The following DZANK1 variants were observed in gnomAD, a reference collection of about 807,000 sequenced individuals.
The protein encoded by DZANK1 is double zinc ribbon and ankyrin repeat domains 1, also known as double zinc ribbon and ankyrin repeat-containing protein 1.
A neutral mutation model predicts 94.5 loss-of-function variants in DZANK1; 91 were observed. The ratio of observed to expected loss-of-function variants is 0.96; its 90% CI spans 0.81 to 1.15. The LOEUF is 1.15. DZANK1 is among the 50% of genes most tolerant of loss of function. The pLI, the probability that DZANK1 is intolerant of heterozygous loss-of-function variation, is 0.00. For synonymous variants in DZANK1, 312 were observed against 325.3 expected (o/e 0.96, Z 0.44); for missense variants, 903 against 916.4 (o/e 0.99, Z 0.19).
At chr20:18,384,421 C>T (rs1455537586) in exon 21 of DZANK1, 2 of 1,611,420 alleles carry the variant, frequency 1.2e-6, no homozygotes, top group African/African-American at 1.3e-5. Context: ...CAGGCTGAGG[C>T]TCCTAGTTTG....
chr20:18,397,374 C>G (rs758984822), intron 14 of DZANK1, among the ~76,000 whole-genome samples: 19 of 152,176 alleles, frequency 1.2e-4, no homozygotes, highest in Non-Finnish European at 2.4e-4. Context: ...AGGAAAGGTC[C>G]TCTCACAGAG....
At chr20:18,456,598 A>G (rs558955646) in intron 3 of DZANK1, among the ~76,000 whole-genome samples, 2 of 152,326 alleles carry the variant, frequency 1.3e-5, no homozygotes, top group African/African-American at 4.8e-5. Flanking sequence ...CTCCTAGGCA[A>G]CCACTGATCT....
At chr20:18,425,550 C>CAAA (rs1375707023) in intron 10 of DZANK1, among the ~76,000 whole-genome samples, 1 of 105,278 alleles carries the variant, frequency 9.5e-6, no homozygotes. Flanking sequence ...GACTCCATCT[C>CAAA]AAAAAAAAAA....
At chr20:18,452,476 C>A in intron 6 of DZANK1, 139 bp downstream of exon 6, 1 of 1,001,896 alleles carries the variant, frequency 1.0e-6, no homozygotes, top group Non-Finnish European at 1.4e-6. Flanking sequence ...CTTTTCTTGT[C>A]CAGTACAGTA....
chr20:18,427,084 G>A (rs1310697991), exon 10 of DZANK1: 1 of 1,611,212 alleles, frequency 6.2e-7, no homozygotes. Context: ...GATGAAGGCA[G>A]GGCCCCCTCA....
intron 1 of DZANK1, 116 bp from the exon 2 acceptor site, chr20:18,465,493 A>G (rs1378674824): frequency 1.1e-5 from 4 of 380,348 alleles, no homozygotes; most frequent in African/African-American, 2.1e-5. Flanking sequence ...GGCACTACAA[A>G]TATTATTCCC....
At chr20:18,422,967 A>G (rs1258652831) in intron 10 of DZANK1, among the ~76,000 whole-genome samples, 2 of 152,080 alleles carry the variant, frequency 1.3e-5, no homozygotes, top group African/African-American at 2.4e-5. Context: ...TTTTAACAAT[A>G]TTAATTCCTC....
intron 6 of DZANK1, among the ~76,000 whole-genome samples, chr20:18,451,377 C>T (rs1392167489): frequency 6.6e-6 from 1 of 152,190 alleles, no homozygotes; most frequent in South Asian, 2.1e-4. Flanking sequence ...GAAATTCTTT[C>T]ATCTCTTGGT....
chr20:18,427,384 G>A (rs773537963), intron 9 of DZANK1, among the ~76,000 whole-genome samples: 20 of 151,468 alleles, frequency 1.3e-4, no homozygotes, highest in Non-Finnish European at 2.7e-4. Flanking sequence ...GATGGGATCC[G>A]ACTGTGTTGC....
intron 13 of DZANK1, among the ~76,000 whole-genome samples, chr20:18,398,951 G>A (rs2056515133): frequency 6.6e-6 from 1 of 151,964 alleles, no homozygotes; most frequent in South Asian, 2.1e-4. Context: ...GGCCAACATG[G>A]TGAAACCCTG....
intron 3 of DZANK1, among the ~76,000 whole-genome samples, chr20:18,455,869 C>T (rs1466627172): frequency 2.0e-5 from 3 of 152,194 alleles, no homozygotes; most frequent in African/African-American, 7.2e-5. Flanking sequence ...GGTAGTCAGA[C>T]TTCCTCCATA....
chr20:18,405,414 AAG>A (rs796829038), intron 13 of DZANK1, among the ~76,000 whole-genome samples: 6 of 152,292 alleles, frequency 3.9e-5, no homozygotes, highest in African/African-American at 1.4e-4. Context: ...ACGTAAAAAA[AAG>A]AGAGAAAAAG....
intron 4 of DZANK1, 46 bp from the exon 5 acceptor site, chr20:18,453,873 T>G: frequency 8.6e-7 from 1 of 1,166,632 alleles, no homozygotes; most frequent in Non-Finnish European, 1.3e-6. Context: ...TATTCCCATG[T>G]GAGAATTAAA....
chr20:18,453,783 A>C lies in DZANK1; in HGVS notation c.423T>G (p.Tyr141Ter). Reference sequence around the variant, plus strand: ...AGCTGCGTTGATTTTCAGAGTTCTTATATTTTTTCTTTAGTTTTGATCCAA... The same window carrying C: ...AGCTGCGTTGATTTTCAGAGTTCTTCTATTTTTTCTTTAGTTTTGATCCAA... Residue 141 changes from tyrosine to a stop codon, truncating the protein, a stop_gained, in exon 5 of 21, where the codon TAT becomes TAG. Coordinates refer to ENST00000262547, the Ensembl canonical transcript of DZANK1. LOFTEE classifies it high-confidence loss of function. The C allele has an allele frequency of 6.2e-7, 1 of 1,612,914 alleles. No homozygotes were observed. The highest frequency in any genetic ancestry group is 8.5e-7 in the Non-Finnish European group (1 of 1,178,988).
chr20:18,385,205 G>A, intron 19 of DZANK1, 115 bp from the exon 20 acceptor site: 1 of 914,900 alleles, frequency 1.1e-6, no homozygotes, highest in Non-Finnish European at 1.7e-6. Context: ...TAACTAACCT[G>A]GGAAACCTCT....
At chr20:18,387,814 G>A (rs1036574262) in intron 19 of DZANK1, among the ~76,000 whole-genome samples, 1 of 152,214 alleles carries the variant, frequency 6.6e-6, no homozygotes, top group Admixed American at 6.5e-5. Context: ...CTACTTAATG[G>A]AAGTTACCTG....
intron 10 of DZANK1, chr20:18,420,818 TC>T (rs2057742026): frequency 5.9e-6 from 1 of 169,206 alleles, no homozygotes; most frequent in Admixed American, 5.9e-5. Context: ...ATTAAGTACT[TC>T]CAGTCTGCAC....
chr20:18,428,639 A>G (rs2058157730), intron 9 of DZANK1: 1 of 152,208 alleles, frequency 6.6e-6, no homozygotes, highest in African/African-American at 2.4e-5. Context: ...CTCAGGATAC[A>G]ATCTTTTTCC....
chr20:18,414,596 T>C, intron 11 of DZANK1, 84 bp from the exon 12 acceptor site: 3 of 1,452,948 alleles, frequency 2.1e-6, no homozygotes, highest in South Asian at 1.3e-5. Context: ...AATTAACATA[T>C]GCCCAGACTC....
Sources: allele counts gnomAD v4.1 joint callset (sites outside exome capture counted in the v4.1 genomes callset), GRCh38; gene constraint gnomAD v4.1.1; transcripts MANE v1.5; gene names NCBI Gene and HGNC (gene_info 2026-07-23, HGNC 2026-07-21).